Variants in ULK4 observed in about 807,000 individuals in gnomAD.
ULK4 encodes unc-51 like kinase 4.
ULK4 carries 133 observed loss-of-function variants against 160.6 expected under a neutral mutation model. The observed-to-expected ratio is 0.83, with a 90% CI of 0.72 to 0.96. ULK4 has a LOEUF of 0.96. Ranked by LOEUF, ULK4 falls within the 40% of genes least tolerant of loss-of-function variation. ULK4 has a pLI of 0.00. For synonymous variants in ULK4, 534 were observed against 539.8 expected (o/e 0.99, Z 0.15); for missense variants, 1,580 against 1,499.5 (o/e 1.05, Z -0.89).
intron 35 of ULK4, among the ~76,000 whole-genome samples, chr3:41,301,848 C>T (rs2079806853): frequency 6.6e-6 from 1 of 152,134 alleles, no homozygotes; most frequent in Non-Finnish European, 1.5e-5. Flanking sequence ...TGTTTACTAT[C>T]TGAAGTAAAA....
chr3:41,314,199 T>G (rs1216970372), intron 35 of ULK4, among the ~76,000 whole-genome samples: 5 of 152,238 alleles, frequency 3.3e-5, no homozygotes, highest in Non-Finnish European at 7.3e-5. Context: ...TGGGTTGTTT[T>G]AAATATTTTT....
At chr3:41,901,808 T>A (rs1255144119) in intron 12 of ULK4, among the ~76,000 whole-genome samples, 1 of 152,120 alleles carries the variant, frequency 6.6e-6, no homozygotes, top group Non-Finnish European at 1.5e-5. Flanking sequence ...CACAGAATGT[T>A]AATCAATTTA....
intron 17 of ULK4, among the ~76,000 whole-genome samples, chr3:41,868,773 A>T (rs1575856532): frequency 6.6e-6 from 1 of 152,204 alleles, no homozygotes; most frequent in East Asian, 1.9e-4. Context: ...CTGGGATTAC[A>T]GGTGTGAGCC....
chr3:41,596,685 C>G (rs192467272), intron 31 of ULK4, among the ~76,000 whole-genome samples: 1 of 152,138 alleles, frequency 6.6e-6, no homozygotes, highest in African/African-American at 2.4e-5. Flanking sequence ...TGATAGATCA[C>G]AAGGTCAGAG....
At chr3:41,787,185 A>T (rs368061120) in intron 21 of ULK4, among the ~76,000 whole-genome samples, 1 of 152,288 alleles carries the variant, frequency 6.6e-6, no homozygotes, top group African/African-American at 2.4e-5. Context: ...AAGGTGCCCC[A>T]GCATTATCCC....
intron 25 of ULK4, among the ~76,000 whole-genome samples, chr3:41,713,087 GA>G (rs139356702): frequency 2.1e-3 from 291 of 136,038 alleles, no homozygotes; most frequent in African/African-American, 6.9e-3. Flanking sequence ...CCAAAAAAAA[GA>G]AAAAAAAAAG....
chr3:41,750,842 T>G (rs1316197471), intron 22 of ULK4, among the ~76,000 whole-genome samples: 2 of 151,356 alleles, frequency 1.3e-5, no homozygotes, highest in Non-Finnish European at 2.9e-5. Flanking sequence ...ATACAAAAAT[T>G]AGCTGGATGT....
intron 35 of ULK4, among the ~76,000 whole-genome samples, chr3:41,272,897 G>A (rs1406610312): frequency 6.6e-6 from 1 of 151,938 alleles, no homozygotes; most frequent in Non-Finnish European, 1.5e-5. Context: ...AGATATTATA[G>A]TTTTCATTTC....
At chr3:41,548,752 G>A (rs1041810540) in intron 32 of ULK4, among the ~76,000 whole-genome samples, 4 of 141,686 alleles carry the variant, frequency 2.8e-5, no homozygotes, top group South Asian at 2.4e-4. Flanking sequence ...ACTAATACTG[G>A]TGCCCACCTA....
At chr3:41,955,747 C>G (rs1327562042) in intron 1 of ULK4, 1 of 150,590 alleles carries the variant, frequency 6.6e-6, no homozygotes, top group East Asian at 1.9e-4. Flanking sequence ...AAGAAAGTGG[C>G]CACAAAGAAG....
At chr3:41,795,029 A>C (rs1361551759) in intron 20 of ULK4, among the ~76,000 whole-genome samples, 1 of 152,212 alleles carries the variant, frequency 6.6e-6, no homozygotes, top group Non-Finnish European at 1.5e-5. Flanking sequence ...TCATGTTAAG[A>C]ATTCTGACCT....
intron 32 of ULK4, among the ~76,000 whole-genome samples, chr3:41,481,213 T>C (rs2125896746): frequency 6.6e-6 from 1 of 152,330 alleles, no homozygotes; most frequent in Admixed American, 6.5e-5. Context: ...AGGGGTCAGC[T>C]ATGTATAAGA....
At chr3:41,652,237 G>C (rs2034772235) in intron 30 of ULK4, among the ~76,000 whole-genome samples, 1 of 151,926 alleles carries the variant, frequency 6.6e-6, no homozygotes, top group South Asian at 2.1e-4. Flanking sequence ...TTTACATCCT[G>C]AAAATATAAA....
chr3:41,694,567 C>G (rs2036424639), intron 27 of ULK4, among the ~76,000 whole-genome samples: 1 of 152,112 alleles, frequency 6.6e-6, no homozygotes. Flanking sequence ...AGTTGGGCCT[C>G]AGTATCTGAG....
intron 2 of ULK4, among the ~76,000 whole-genome samples, chr3:41,943,044 T>C (rs769751451): frequency 2.6e-5 from 4 of 151,704 alleles, no homozygotes; most frequent in Non-Finnish European, 5.9e-5. Flanking sequence ...AAACCCCATC[T>C]CTACTAAAAA....
chr3:41,667,416 G>A (rs1238235216), intron 29 of ULK4, among the ~76,000 whole-genome samples: 1 of 152,192 alleles, frequency 6.6e-6, no homozygotes, highest in East Asian at 1.9e-4. Flanking sequence ...TCAAATGATA[G>A]GTTTATAATG....
intron 21 of ULK4, among the ~76,000 whole-genome samples, chr3:41,762,349 T>A (rs1395231075): frequency 1.3e-5 from 2 of 152,172 alleles, no homozygotes; most frequent in African/African-American, 4.8e-5. Context: ...TCAACTGTTT[T>A]AATTTTTAGC....
At chr3:41,902,797 T>C (rs1470092613) in intron 12 of ULK4, among the ~76,000 whole-genome samples, 2 of 152,182 alleles carry the variant, frequency 1.3e-5, no homozygotes, top group Non-Finnish European at 2.9e-5. Flanking sequence ...TTGTTAATTA[T>C]GTGCTCTTAG....
chr3:41,923,368 G>A (rs1227620990), intron 5 of ULK4, among the ~76,000 whole-genome samples: 16 of 152,030 alleles, frequency 1.1e-4, no homozygotes. Flanking sequence ...GCATGGTGGT[G>A]TGCTCCTGTA....
Sources: gnomAD v4.1 joint callset for allele counts (sites outside exome capture counted in the v4.1 genomes callset) on GRCh38, gnomAD v4.1.1 for gene constraint, MANE v1.5 for transcripts, NCBI Gene and HGNC (gene_info 2026-07-23, HGNC 2026-07-21) for gene names.